FER1L6: variants seen among roughly 807,000 people sequenced by gnomAD.
FER1L6 encodes the protein fer-1-like protein 6.
Under a neutral mutation model 219.2 loss-of-function variants are expected in FER1L6, and 177 were observed. The observed-to-expected ratio is 0.81, with a 90% confidence interval of 0.71 to 0.91. The LOEUF (loss-of-function observed/expected upper bound fraction) is 0.91, where lower values mean the gene tolerates loss of function less well. Among genes scored for constraint, FER1L6 ranks in the 40% least tolerant of loss-of-function variants. The probability of loss-of-function intolerance (pLI) is 0.00; values close to 1 mark genes in which losing one functional copy is unlikely to be tolerated. For synonymous variants in FER1L6, 768 were observed against 824.3 expected, an observed-to-expected ratio of 0.93 and a Z score of 1.17; for missense variants, 2,153 against 2,259.9, an observed-to-expected ratio of 0.95 and a Z score of 0.96.
intron 39 of FER1L6, among the ~76,000 whole-genome samples, chr8:124,107,237 C>T (rs1210083723): frequency 6.6e-6 from 1 of 152,074 alleles, no homozygotes; most frequent in African/African-American, 2.4e-5. Context: ...CATGAGCCAC[C>T]GCGCCCGGCC....
At position 124,012,312 on chromosome 8, in the gene FER1L6, C is replaced by T. The variant is rs541946614; in HGVS notation, c.1822-1119C>T. On this transcript the variant is annotated intron_variant, in intron 14 of 40. Transcript: ENST00000522917. ...GGTCAGGAGGCCTAGTCTGGGGTCA[C>T]AGCACATGGAGGTCACAGACTGTCT... 2.6e-5 allele frequency among the ~76,000 whole-genome samples: 4 copies of T among 152,378 alleles called. No homozygotes were observed. The East Asian group carries it at 7.7e-4, about 29-fold the overall frequency.
chr8:123,935,073 C>T (rs906385875), intron 1 of FER1L6, among the ~76,000 whole-genome samples: 3 of 152,158 alleles, frequency 2.0e-5, no homozygotes, highest in African/African-American at 7.2e-5. Context: ...ATACAGCCTT[C>T]ATTGATGATT....
intron 1 of FER1L6, among the ~76,000 whole-genome samples, chr8:123,859,950 TA>T (rs1816715379): frequency 7.1e-6 from 1 of 141,842 alleles, no homozygotes; most frequent in South Asian, 2.3e-4. Flanking sequence ...TTTATTTATT[TA>T]TTTTTATTAT....
intron 20 of FER1L6, chr8:124,040,302 G>A (rs1819428200): frequency 7.5e-6 from 3 of 398,498 alleles, no homozygotes; most frequent in South Asian, 2.4e-5. Flanking sequence ...GAGGCCAAGT[G>A]CAGTGGGGAA....
At chr8:123,975,861 G>T in intron 8 of FER1L6, 37 bp from the exon 9 acceptor site, 1 of 1,492,706 alleles carries the variant, frequency 6.7e-7, no homozygotes, top group Non-Finnish European at 9.0e-7. Flanking sequence ...TTCTTCAATT[G>T]AGAGAGCTTT....
intron 29 of FER1L6, among the ~76,000 whole-genome samples, chr8:124,070,059 G>C (rs566657546): frequency 6.6e-6 from 1 of 152,054 alleles, no homozygotes; most frequent in Non-Finnish European, 1.5e-5. Flanking sequence ...ATGTCTATAT[G>C]CATTACAATA....
chr8:123,929,541 G>T (rs1222866095), intron 1 of FER1L6, among the ~76,000 whole-genome samples: 1 of 152,154 alleles, frequency 6.6e-6, no homozygotes, highest in Non-Finnish European at 1.5e-5. Flanking sequence ...TCTGCATCAA[G>T]GAAGAATTAA....
Position 123,989,449 on chromosome 8 carries a change from A to G in FER1L6, c.1519+3273A>G, listed in dbSNP as rs1425865352. ...ATACAAATAGTTTTCGGTAACGTGG[A>G]TGAATTGTATTCATCCTTGGTGAAG... On this transcript the variant is annotated intron_variant, in intron 12 of 40. Transcript: ENST00000522917. Among the ~76,000 whole-genome samples, 4 of 152,102 alleles carry G rather than the reference A, an allele frequency of 2.6e-5. 1 individual carries two copies. Among genetic ancestry groups the G allele is most frequent in the Non-Finnish European group, 4.4e-5 (3 of 68,038 alleles).
At chr8:123,919,906 T>C (rs1397916155) in intron 1 of FER1L6, among the ~76,000 whole-genome samples, 2 of 152,124 alleles carry the variant, frequency 1.3e-5, no homozygotes, top group Admixed American at 6.5e-5. Context: ...GGGGAGCAGG[T>C]GGCCAAGAAC....
At chr8:123,910,024 AC>A (rs2129765718) in intron 1 of FER1L6, among the ~76,000 whole-genome samples, 1 of 152,308 alleles carries the variant, frequency 6.6e-6, no homozygotes, top group Admixed American at 6.5e-5. Context: ...GAAAAAATTT[AC>A]TTTGTTGTTG....
rs547861678 is a variant in FER1L6, at chr8:124,115,089, T to A, written c.5290-3755T>A. On this transcript the variant is annotated intron_variant, in intron 39 of 40. Transcript: ENST00000522917. ...AATCACTTCTCAGCCTCTGAAGGCA[T>A]CCCTTCTGTAGGCATGGTGCAGTTT... Among the ~76,000 whole-genome samples the A allele has an allele frequency of 4.6e-5, 7 of 151,634 alleles. No individual in the cohort carries two copies. The South Asian group carries it at 1.3e-3, about 27-fold the overall frequency.
At chr8:124,015,065 C>T (rs1223714352) in intron 15 of FER1L6, among the ~76,000 whole-genome samples, 2 of 152,166 alleles carry the variant, frequency 1.3e-5, no homozygotes, top group African/African-American at 4.8e-5. Context: ...GCCACGTGAG[C>T]CTCTCTAAGC....
chr8:123,903,922 A>G (rs191547459), intron 1 of FER1L6, among the ~76,000 whole-genome samples: 1 of 152,300 alleles, frequency 6.6e-6, no homozygotes, highest in East Asian at 1.9e-4. Flanking sequence ...TGACAATTTA[A>G]TTAACTTATC....
In FER1L6 at chr8:124,069,342, T is replaced by C; in HGVS notation, c.3719-18T>C. On this transcript the variant is annotated intron_variant, in intron 28 of 40. Coordinates refer to ENST00000522917, the MANE Select transcript of FER1L6 (RefSeq NM_001039112.2). ...CTCAACCGCCATGAGAAACCTAATT[T>C]CTGCTGAATATCCACAGAGGCAAAG... is the stretch of plus-strand genomic sequence containing the variant. 8.2e-6 allele frequency: 13 copies of C among 1,584,524 alleles called. No homozygotes were observed. Among genetic ancestry groups the C allele is most frequent in the Non-Finnish European group, 1.1e-5 (13 of 1,155,362 alleles).
At chr8:123,986,001 C>A in intron 11 of FER1L6, 67 bp from the exon 12 acceptor site, 1 of 889,454 alleles carries the variant, frequency 1.1e-6, no homozygotes. Context: ...AGGCCAGCAT[C>A]ACAAAGTCAG....
intron 1 of FER1L6, among the ~76,000 whole-genome samples, chr8:123,915,579 A>G (rs1813162978): frequency 6.6e-6 from 1 of 152,120 alleles, no homozygotes; most frequent in Non-Finnish European, 1.5e-5. Flanking sequence ...ATGGTATTTC[A>G]CTAGGCACTA....
chr8:123,928,037 TAAG>T (rs939672585), intron 1 of FER1L6, among the ~76,000 whole-genome samples: 1 of 152,224 alleles, frequency 6.6e-6, no homozygotes, highest in Non-Finnish European at 1.5e-5. Flanking sequence ...AGCAGGAATA[TAAG>T]AAGGTTTCAT....
chr8:123,976,144 A>T, intron 9 of FER1L6, 60 bp downstream of exon 9: 2 of 1,272,016 alleles, frequency 1.6e-6, no homozygotes, highest in Non-Finnish European at 2.2e-6. Context: ...TCTATCCAAG[A>T]TATGTTTAAT....
At chr8:123,868,399 T>G (rs371375725) in intron 1 of FER1L6, among the ~76,000 whole-genome samples, 2 of 152,196 alleles carry the variant, frequency 1.3e-5, no homozygotes, top group African/African-American at 4.8e-5. Flanking sequence ...GGGCAATGAC[T>G]CAAAGCGGGC....
Sources: gnomAD v4.1 joint callset for allele counts (sites outside exome capture counted in the v4.1 genomes callset) on GRCh38, gnomAD v4.1.1 for gene constraint, MANE v1.5 for transcripts, NCBI Gene and HGNC (gene_info 2026-07-23, HGNC 2026-07-21) for gene names.